The following PARD3B variants were observed in gnomAD, a reference collection of about 807,000 sequenced individuals.
PARD3B encodes the protein partitioning defective 3 homolog B.
A neutral mutation model predicts 130.2 loss-of-function variants in PARD3B; 103 were observed. The ratio of observed to expected loss-of-function variants is 0.79; its 90% CI spans 0.67 to 0.93. The LOEUF is 0.93. PARD3B is among the 40% of genes least tolerant of loss of function. PARD3B has a pLI of 0.00. For synonymous variants in PARD3B, 583 were observed against 553.2 expected (o/e 1.05, Z -0.76); for missense variants, 1,609 against 1,499.2 (o/e 1.07, Z -1.21).
At chr2:204,916,233 T>A (rs1169421259) in intron 2 of PARD3B, among the ~76,000 whole-genome samples, 1 of 152,242 alleles carries the variant, frequency 6.6e-6, no homozygotes, top group Non-Finnish European at 1.5e-5. Flanking sequence ...CCTTCAGCAG[T>A]AAGAATATTT....
chr2:205,344,454 A>C (rs2043672907), intron 18 of PARD3B, among the ~76,000 whole-genome samples: 1 of 152,160 alleles, frequency 6.6e-6, no homozygotes, highest in African/African-American at 2.4e-5. Context: ...AGTATCACAC[A>C]GGCTGTGAGC....
chr2:204,549,321 A>G (rs969535204), intron 1 of PARD3B, among the ~76,000 whole-genome samples: 29 of 152,258 alleles, frequency 1.9e-4, no homozygotes, highest in African/African-American at 6.0e-4. Flanking sequence ...CAGCCTCCAA[A>G]TCCAATTTAG....
chr2:204,577,704 TG>T (rs1190445799), intron 1 of PARD3B, among the ~76,000 whole-genome samples: 1 of 152,144 alleles, frequency 6.6e-6, no homozygotes, highest in Non-Finnish European at 1.5e-5. Flanking sequence ...CCTAAGGAGC[TG>T]GGACTACAGC....
At chr2:205,188,573 G>T (rs1484532542) in intron 14 of PARD3B, among the ~76,000 whole-genome samples, 1 of 152,238 alleles carries the variant, frequency 6.6e-6, no homozygotes, top group East Asian at 1.9e-4. Context: ...AGAAGAAAGG[G>T]CAGAGATATT....
intron 22 of PARD3B, among the ~76,000 whole-genome samples, chr2:205,599,226 G>A (rs1386384754): frequency 2.6e-5 from 4 of 152,082 alleles, no homozygotes; most frequent in Non-Finnish European, 1.5e-5. Context: ...TAAATTTAGG[G>A]GGAATAGATT....
intron 2 of PARD3B, among the ~76,000 whole-genome samples, chr2:204,766,236 C>T (rs2041139749): frequency 6.6e-6 from 1 of 152,258 alleles, no homozygotes; most frequent in East Asian, 1.9e-4. Context: ...TTCCAAATCT[C>T]ACTGATTGAT....
At chr2:204,736,509 T>A (rs2039762873) in intron 2 of PARD3B, among the ~76,000 whole-genome samples, 1 of 152,170 alleles carries the variant, frequency 6.6e-6, no homozygotes, top group Admixed American at 6.6e-5. Context: ...CTTCCACTAG[T>A]GAGGACATAC....
At chr2:204,732,321 G>A (rs1215902000) in intron 2 of PARD3B, among the ~76,000 whole-genome samples, 2 of 152,112 alleles carry the variant, frequency 1.3e-5, no homozygotes, top group African/African-American at 4.8e-5. Flanking sequence ...GTGCTAGAAA[G>A]GCAAGTTGGT....
rs552008159 is a variant in PARD3B at position 204,977,662 on chromosome 2, A to C, written c.394+12339A>C. On this transcript the variant is annotated intron_variant, in intron 3 of 22. Coordinates refer to ENST00000406610, the MANE Select transcript of PARD3B (RefSeq NM_001302769.2). ...GTCTCCGCTAAAAATACAAAAAAAA[A>C]TTCTCTGGGCATGGTGGCGGGCGCC... Among the ~76,000 whole-genome samples the C allele has an allele frequency of 1.9e-3, 282 of 152,052 alleles. 2 individuals carry two copies. The highest frequency in any genetic ancestry group is 6.0e-3 in the African/African-American group (248 of 41,506).
intron 18 of PARD3B, among the ~76,000 whole-genome samples, chr2:205,311,038 G>A (rs939989654): frequency 1.3e-5 from 2 of 152,012 alleles, no homozygotes; most frequent in Non-Finnish European, 2.9e-5. Context: ...ATAGTATTTC[G>A]TTGTGTGTTT....
At chr2:204,600,251 A>G (rs1042777013) in intron 1 of PARD3B, among the ~76,000 whole-genome samples, 1 of 151,772 alleles carries the variant, frequency 6.6e-6, no homozygotes, top group African/African-American at 2.4e-5. Context: ...TTTCAAACCA[A>G]TGTCTTAAAG....
chr2:205,573,247 G>A (rs536525125), intron 22 of PARD3B, among the ~76,000 whole-genome samples: 2 of 152,216 alleles, frequency 1.3e-5, no homozygotes, highest in African/African-American at 4.8e-5. Flanking sequence ...GGGCAGGAAG[G>A]GAAGAGAGGC....
At chr2:205,156,016 T>A (rs2034103085) in intron 10 of PARD3B, among the ~76,000 whole-genome samples, 1 of 152,088 alleles carries the variant, frequency 6.6e-6, no homozygotes, top group Non-Finnish European at 1.5e-5. Context: ...CCAACCCAAA[T>A]GTCCAACAGT....
At chr2:204,755,760 A>G (rs1227664498) in intron 2 of PARD3B, among the ~76,000 whole-genome samples, 1 of 152,174 alleles carries the variant, frequency 6.6e-6, no homozygotes, top group Non-Finnish European at 1.5e-5. Context: ...GGCAGTTAAC[A>G]AAAGAAATAA....
chr2:204,999,499 A>G (rs1694645574), intron 3 of PARD3B, among the ~76,000 whole-genome samples: 2 of 152,212 alleles, frequency 1.3e-5, no homozygotes, highest in East Asian at 3.8e-4. Flanking sequence ...AGCTTTGAAC[A>G]TGTTCTTTTT....
Position 205,550,864 on chromosome 2 carries a change from A to G in PARD3B, c.3181-2460A>G, listed in dbSNP as rs1010745426. Among the ~76,000 whole-genome samples the G allele has an allele frequency of 6.8e-6, 1 of 146,990 alleles. No homozygotes were observed. Among genetic ancestry groups the G allele is most frequent in the Non-Finnish European group, 1.5e-5 (1 of 66,738 alleles). Reference sequence around the variant, plus strand: ...TTGAATATTTTATATGTATATTTGTATGTATATATGTATATTTGTATGTAT... The same window carrying G: ...TTGAATATTTTATATGTATATTTGTGTGTATATATGTATATTTGTATGTAT... On this transcript the variant is annotated intron_variant, in intron 21 of 22. Transcript: ENST00000406610. This position sits in a 1 kb window ranked among gnomAD's most constrained non-coding sequence, Gnocchi z 4.5.
At chr2:204,656,114 C>T (rs1196432956) in intron 1 of PARD3B, among the ~76,000 whole-genome samples, 2 of 152,066 alleles carry the variant, frequency 1.3e-5, no homozygotes, top group African/African-American at 4.8e-5. Flanking sequence ...ATTTCTGCAG[C>T]ATTCTATTGG....
At chr2:205,217,894 A>ATTTTTTTT (rs755570882) in intron 15 of PARD3B, among the ~76,000 whole-genome samples, 28 of 31,064 alleles carry the variant, frequency 9.0e-4, no homozygotes, top group Non-Finnish European at 1.2e-3. Context: ...ATATATATAT[A>ATTTTTTTT]TTTTTTTTTT....
chr2:205,548,020 C>A (rs970787484), intron 21 of PARD3B, among the ~76,000 whole-genome samples: 5 of 152,136 alleles, frequency 3.3e-5, no homozygotes, highest in Non-Finnish European at 7.3e-5. Context: ...GGAACACTCC[C>A]TTCATGGAAT....
Sources: allele counts gnomAD v4.1 joint callset (sites outside exome capture counted in the v4.1 genomes callset), GRCh38; gene constraint gnomAD v4.1.1; non-coding constraint Gnocchi (gnomAD v3.1); transcripts MANE v1.5; gene names NCBI Gene and HGNC (gene_info 2026-07-23, HGNC 2026-07-21).